RTN1: variants seen among roughly 807,000 people sequenced by gnomAD.
RTN1 encodes the protein reticulon 1, also known as reticulon-1.
RTN1 carries 25 observed loss-of-function variants against 65.5 expected under a neutral mutation model. That is an observed-to-expected ratio of 0.38 (90% CI 0.28 to 0.53). The LOEUF (loss-of-function observed/expected upper bound fraction) is 0.53, where lower values mean the gene tolerates loss of function less well. RTN1 is among the 20% of genes least tolerant of loss of function. The pLI, the probability that RTN1 is intolerant of heterozygous loss-of-function variation, is 0.79. For synonymous variants in RTN1, 471 were observed against 447.6 expected, an observed-to-expected ratio of 1.05 and a Z score of -0.66; for missense variants, 983 against 1,025.4, an observed-to-expected ratio of 0.96 and a Z score of 0.57.
chr14:59,806,107 G>A (rs531235432), intron 1 of RTN1, among the ~76,000 whole-genome samples: 2 of 151,880 alleles, frequency 1.3e-5, no homozygotes, highest in African/African-American at 4.8e-5. Flanking sequence ...ATGGTGGTGC[G>A]TGCCTGTAGT....
chr14:59,823,733 C>T (rs1886983164), intron 1 of RTN1, among the ~76,000 whole-genome samples: 1 of 152,150 alleles, frequency 6.6e-6, no homozygotes, highest in African/African-American at 2.4e-5. Context: ...TTTGGAAAAT[C>T]TGATGACTGT....
At chr14:59,642,746 T>A (rs1440812353) in intron 3 of RTN1, among the ~76,000 whole-genome samples, 1 of 152,252 alleles carries the variant, frequency 6.6e-6, no homozygotes, top group African/African-American at 2.4e-5. Flanking sequence ...TATTTTGAAG[T>A]CTTTATCAGC....
intron 5 of RTN1, 116 bp downstream of exon 5, chr14:59,605,252 T>A: frequency 9.0e-7 from 1 of 1,113,890 alleles, no homozygotes; most frequent in South Asian, 1.7e-5. Context: ...GTCTTCTGAC[T>A]CTAGAATATA....
At chr14:59,719,013 T>C (rs1426367512) in intron 3 of RTN1, among the ~76,000 whole-genome samples, 1 of 152,174 alleles carries the variant, frequency 6.6e-6, no homozygotes, top group Non-Finnish European at 1.5e-5. Flanking sequence ...GCTTCCTAAT[T>C]TGTCTTCCTG....
chr14:59,821,202 A>G (rs1175831539), intron 1 of RTN1, among the ~76,000 whole-genome samples: 1 of 152,166 alleles, frequency 6.6e-6, no homozygotes, highest in Non-Finnish European at 1.5e-5. Flanking sequence ...AGTGTTTTGC[A>G]GTTCTCACTG....
intron 1 of RTN1, among the ~76,000 whole-genome samples, chr14:59,788,564 A>C (rs1047146268): frequency 2.6e-5 from 4 of 152,160 alleles, no homozygotes; most frequent in Non-Finnish European, 5.9e-5. Flanking sequence ...TCGATTTTGA[A>C]GGGATTTTTT....
At chr14:59,847,155 G>A (rs1470417158) in intron 1 of RTN1, among the ~76,000 whole-genome samples, 1 of 152,130 alleles carries the variant, frequency 6.6e-6, no homozygotes, top group Non-Finnish European at 1.5e-5. Context: ...GCTTGATGTA[G>A]ATCATGTACA....
At chr14:59,655,125 T>G (rs970967740) in intron 3 of RTN1, among the ~76,000 whole-genome samples, 2 of 152,168 alleles carry the variant, frequency 1.3e-5, no homozygotes, top group Non-Finnish European at 2.9e-5. Flanking sequence ...AATACAAAGT[T>G]AATATACAAT....
In RTN1 at chr14:59,643,562, G is replaced by A. The variant is rs533094052; in HGVS notation, c.1766-36070C>T. ...GCCTCAGACAGATCTACTAGTTGAA[G>A]GCTGAAACTTTGTGAACTTGAGACA... On this transcript the variant is annotated intron_variant, in intron 3 of 8. Transcript: ENST00000267484. Among the ~76,000 whole-genome samples, 4 of 152,288 alleles carry A rather than the reference G, an allele frequency of 2.6e-5. No homozygotes were observed. In the East Asian group the frequency reaches 7.7e-4, roughly 29 times the overall value.
intron 3 of RTN1, among the ~76,000 whole-genome samples, chr14:59,680,147 C>T (rs2140221183): frequency 6.6e-6 from 1 of 152,266 alleles, no homozygotes; most frequent in Non-Finnish European, 1.5e-5. Context: ...ATGTTAGTAA[C>T]ATAGCTCTTA....
intron 1 of RTN1, among the ~76,000 whole-genome samples, chr14:59,826,082 CAGG>C (rs763499633): frequency 6.6e-6 from 1 of 152,138 alleles, no homozygotes; most frequent in Non-Finnish European, 1.5e-5. Context: ...ACCACAATAT[CAGG>C]AGTTTAGAAA....
At chr14:59,660,533 A>C (rs543407776) in intron 3 of RTN1, among the ~76,000 whole-genome samples, 1 of 152,204 alleles carries the variant, frequency 6.6e-6, no homozygotes, top group African/African-American at 2.4e-5. Context: ...AAATCATAAC[A>C]AACAGTCTCT....
intron 8 of RTN1, among the ~76,000 whole-genome samples, chr14:59,600,669 C>T (rs1000647233): frequency 1.4e-4 from 22 of 152,114 alleles, no homozygotes; most frequent in African/African-American, 5.3e-4. Flanking sequence ...GTTTCCTCCT[C>T]TCTGATAGAT....
intron 5 of RTN1, chr14:59,605,145 T>A (rs1012575232): frequency 1.2e-5 from 5 of 407,704 alleles, no homozygotes; most frequent in African/African-American, 1.0e-4. Context: ...GCTCTGCCAG[T>A]GACTCACTGG....
chr14:59,618,473 C>T (rs1882167830), intron 3 of RTN1, among the ~76,000 whole-genome samples: 1 of 152,234 alleles, frequency 6.6e-6, no homozygotes, highest in Non-Finnish European at 1.5e-5. Context: ...GCACTCCTGG[C>T]TCACTGGCTT....
intron 1 of RTN1, among the ~76,000 whole-genome samples, chr14:59,850,313 AG>A (rs763646418): frequency 3.9e-5 from 6 of 152,258 alleles, no homozygotes; most frequent in African/African-American, 7.2e-5. Flanking sequence ...AAATATGCTC[AG>A]AACATTTACA....
rs1212484111 is a variant in RTN1, at chr14:59,749,102, CTA to C, written c.242-2623_242-2622del. ...CACGCCGGGGCATCTATATATATATCTATATATATATATATATATATAGATAT... is the reference window on the plus strand; with the variant it reads ...CACGCCGGGGCATCTATATATATATCTATATATATATATATATATAGATAT... On this transcript the variant is annotated intron_variant, in intron 1 of 8. Coordinates refer to ENST00000267484, the MANE Select transcript of RTN1 (RefSeq NM_021136.3). 5.9e-4 allele frequency among the ~76,000 whole-genome samples: 44 copies of C among 74,086 alleles called. 4 individuals are homozygous for C. Among genetic ancestry groups the C allele is most frequent in the Non-Finnish European group, 5.3e-4 (23 of 43,796 alleles). The allele number at this position is 74,086 out of a possible 152,430, so 48.6% of individuals were successfully genotyped here.
chr14:59,778,400 T>A (rs549711785), intron 1 of RTN1, among the ~76,000 whole-genome samples: 1 of 152,298 alleles, frequency 6.6e-6, no homozygotes, highest in Non-Finnish European at 1.5e-5. Flanking sequence ...TTAAACTCTG[T>A]TTTCTAAGAT....
At chr14:59,821,268 T>C (rs928669095) in intron 1 of RTN1, among the ~76,000 whole-genome samples, 2 of 152,210 alleles carry the variant, frequency 1.3e-5, no homozygotes, top group African/African-American at 2.4e-5. Flanking sequence ...ATTCCTTTTG[T>C]GGATATTGTG....
Sources: allele counts gnomAD v4.1 joint callset (sites outside exome capture counted in the v4.1 genomes callset), GRCh38; gene constraint gnomAD v4.1.1; transcripts MANE v1.5; gene names NCBI Gene and HGNC (gene_info 2026-07-23, HGNC 2026-07-21).